Variants in C1orf141 observed in about 807,000 individuals in gnomAD.
C1orf141 encodes uncharacterized protein C1orf141.
Under a neutral mutation model 23.2 loss-of-function variants are expected in C1orf141, and 19 were observed. The observed-to-expected ratio is 0.82, with a 90% confidence interval of 0.57 to 1.20. The LOEUF (loss-of-function observed/expected upper bound fraction) is 1.20. C1orf141 is among the 50% of genes most tolerant of loss of function. C1orf141 has a pLI of 0.00. For synonymous variants in C1orf141, 153 were observed against 154.6 expected (o/e 0.99, Z 0.08); for missense variants, 469 against 455.1 (o/e 1.03, Z -0.28).
At chr1:67,093,721 A>T in intron 7 of C1orf141, 117 bp from the exon 8 acceptor site, 1 of 718,052 alleles carries the variant, frequency 1.4e-6, no homozygotes, top group Non-Finnish European at 2.1e-6. Context: ...ACATACAAAT[A>T]TTTAATATGA....
At chr1:67,096,203 G>C (rs1645676466) in intron 6 of C1orf141, 49 bp downstream of exon 6, 1 of 898,068 alleles carries the variant, frequency 1.1e-6, no homozygotes, top group African/African-American at 1.7e-5. Context: ...TGTCCTACTA[G>C]AAACATCATT....
chr1:67,093,384 ACTGT>A lies in C1orf141; in HGVS notation c.820_823del (p.Thr274TyrfsTer19), dbSNP rs1418547109. On this transcript the variant is annotated frameshift_variant, in exon 8 of 8. Transcript: ENST00000684719. LOFTEE classifies it low-confidence loss of function (END_TRUNC). The stretch of plus-strand genomic sequence containing the variant: ...AGGGATCTGTATATCTTTTCTCTGT[ACTGT>A]AGGCATAGTTTTTTGGGGTTTGAAA... 1 of 1,613,560 alleles carries A rather than the reference ACTGT, an allele frequency of 6.2e-7. No individual in the cohort carries two copies. Among genetic ancestry groups the A allele is most frequent in the South Asian group, 1.1e-5 (1 of 90,946 alleles).
chr1:67,124,202 G>T (rs1365520174), intron 4 of C1orf141, among the ~76,000 whole-genome samples: 1 of 152,222 alleles, frequency 6.6e-6, no homozygotes, highest in Non-Finnish European at 1.5e-5. Context: ...GTACAAAACT[G>T]CTACATGAAG....
At chr1:67,120,087 C>T (rs1253417846) in intron 4 of C1orf141, among the ~76,000 whole-genome samples, 1 of 152,216 alleles carries the variant, frequency 6.6e-6, no homozygotes, top group Non-Finnish European at 1.5e-5. Context: ...AGCTTTGAAC[C>T]AAAGAGGATT....
chr1:67,126,070 G>A (rs941519236), intron 3 of C1orf141, among the ~76,000 whole-genome samples, 161 bp from the exon 4 acceptor site: 2 of 152,006 alleles, frequency 1.3e-5, no homozygotes, highest in African/African-American at 4.8e-5. Context: ...GAAAATTGGG[G>A]GTCTAGTGCA....
intron 2 of C1orf141, among the ~76,000 whole-genome samples, chr1:67,129,565 G>A (rs564543992): frequency 3.7e-4 from 57 of 152,256 alleles, no homozygotes; most frequent in South Asian, 1.2e-3. Flanking sequence ...CACTGGGAAG[G>A]GGAGATCCAG....
At chr1:67,096,017 T>G (rs766623976) in intron 6 of C1orf141, 3 of 280,726 alleles carry the variant, frequency 1.1e-5, no homozygotes, top group African/African-American at 2.3e-5. Context: ...GTGTATTTAC[T>G]AAAAAAAAAA....
At chr1:67,133,863 T>A (rs528488450) in intron 1 of C1orf141, among the ~76,000 whole-genome samples, 8 of 152,150 alleles carry the variant, frequency 5.3e-5, no homozygotes, top group South Asian at 2.1e-4. Flanking sequence ...GAAAACAAAT[T>A]TCTGTTGTTT....
chr1:67,109,865 G>GGGTGT (rs1646027390), intron 5 of C1orf141, among the ~76,000 whole-genome samples: 1 of 151,986 alleles, frequency 6.6e-6, no homozygotes, highest in Admixed American at 6.6e-5. Flanking sequence ...AAAGTGTACT[G>GGGTGT]AACAGTTAAG....
intron 5 of C1orf141, among the ~76,000 whole-genome samples, chr1:67,114,289 T>TA (rs11291982): frequency 1.7e-4 from 25 of 149,292 alleles, no homozygotes; most frequent in Middle Eastern, 3.5e-3. Context: ...GCATAAACAA[T>TA]AAAAAAAAAA....
At chr1:67,120,445 G>T (rs533226254) in intron 4 of C1orf141, among the ~76,000 whole-genome samples, 1 of 152,004 alleles carries the variant, frequency 6.6e-6, no homozygotes, top group Non-Finnish European at 1.5e-5. Context: ...ATGTAAATTT[G>T]GGGGGGACAG....
intron 4 of C1orf141, among the ~76,000 whole-genome samples, chr1:67,118,845 C>T (rs998454854): frequency 6.6e-6 from 1 of 152,110 alleles, no homozygotes; most frequent in African/African-American, 2.4e-5. Flanking sequence ...GGAAGAATAC[C>T]CTCACCAGAC....
chr1:67,097,833 C>A (rs559460208), intron 5 of C1orf141, among the ~76,000 whole-genome samples: 1 of 152,038 alleles, frequency 6.6e-6, no homozygotes, highest in Non-Finnish European at 1.5e-5. Flanking sequence ...GGTGGGAAAT[C>A]GTTGGCTTCA....
At chr1:67,106,550 C>A (rs913074061) in intron 5 of C1orf141, among the ~76,000 whole-genome samples, 1 of 151,986 alleles carries the variant, frequency 6.6e-6, no homozygotes. Context: ...TCCAGCTACT[C>A]AGGAGGTTGA....
intron 1 of C1orf141, among the ~76,000 whole-genome samples, chr1:67,131,630 CCA>C (rs1646517183): frequency 6.6e-6 from 1 of 151,994 alleles, no homozygotes; most frequent in African/African-American, 2.4e-5. Flanking sequence ...CCTTTCTGTT[CCA>C]CCATTTTCTA....
At chr1:67,100,143 A>G (rs983979675) in intron 5 of C1orf141, among the ~76,000 whole-genome samples, 2 of 152,142 alleles carry the variant, frequency 1.3e-5, no homozygotes, top group African/African-American at 4.8e-5. Flanking sequence ...GAGTATTTCC[A>G]TTATTCTCAG....
intron 3 of C1orf141, among the ~76,000 whole-genome samples, chr1:67,126,472 A>T (rs1425848697): frequency 6.6e-6 from 1 of 152,236 alleles, no homozygotes; most frequent in Non-Finnish European, 1.5e-5. Flanking sequence ...CATAGCTCAA[A>T]AGAATAAAGA....
At chr1:67,117,670 GA>G (rs1259671690) in intron 4 of C1orf141, among the ~76,000 whole-genome samples, 50 of 152,172 alleles carry the variant, frequency 3.3e-4, no homozygotes, top group Non-Finnish European at 8.8e-5. Flanking sequence ...TTTCTAACTT[GA>G]ATGAGAATGA....
In C1orf141 at chr1:67,093,623, A is replaced by G; in HGVS notation, c.604-19T>C. ...TTTGTTCCTGTAGATTAAAGAAAAG[A>G]ATAATTAGTCATAAGTTCATTGAGT... On this transcript the variant is annotated intron_variant, in intron 7 of 7. Transcript: ENST00000684719. 2 of 1,509,016 alleles carry G rather than the reference A, an allele frequency of 1.3e-6. No individual in the cohort carries two copies. Among genetic ancestry groups the G allele is most frequent in the Admixed American group, 2.3e-5 (1 of 43,562 alleles). 93.5% of individuals were successfully genotyped at this position (1,509,016 alleles called of 1,614,324 possible).
Sources: gnomAD v4.1 joint callset for allele counts (sites outside exome capture counted in the v4.1 genomes callset) on GRCh38, gnomAD v4.1.1 for gene constraint, MANE v1.5 for transcripts, NCBI Gene and HGNC (gene_info 2026-07-23, HGNC 2026-07-21) for gene names.